GFM1: variants seen among roughly 807,000 people sequenced by gnomAD.
GFM1 encodes the protein G elongation factor mitochondrial 1, also known as elongation factor G, mitochondrial.
Under a neutral mutation model 96.2 loss-of-function variants are expected in GFM1, and 62 were observed. The ratio of observed to expected loss-of-function variants is 0.64; its 90% CI spans 0.53 to 0.80. The LOEUF is 0.80. Ranked by LOEUF, GFM1 falls within the 30% of genes least tolerant of loss-of-function variation. The probability of loss-of-function intolerance (pLI) is 0.00; values close to 1 mark genes in which losing one functional copy is unlikely to be tolerated. For missense variants in GFM1, 852 were observed against 916.6 expected (o/e 0.93, Z 0.91); for synonymous variants, 282 against 312.9 (o/e 0.90, Z 1.04).
rs150659006 is a variant in GFM1 at position 158,667,022 on chromosome 3, A to G, written c.1601+636A>G. 8.1e-4 allele frequency: 1,297 copies of G among 1,596,890 alleles called. No individual in the cohort carries two copies. Among genetic ancestry groups the G allele is most frequent in the Non-Finnish European group, 1.0e-3 (1,220 of 1,174,474 alleles). On this transcript the variant is annotated intron_variant, in intron 13 of 17. Transcript: ENST00000486715. ...TAAATTATACTTTACCTGAGATGCT[A>G]TATTATGAAGTAGAATGGTGTAGTC...
rs189996743 is a variant in GFM1, at chr3:158,669,427, A to G, written c.1601+3041A>G. Reference sequence around the variant, plus strand: ...AACAAATGGTTTTCATGCCATATTTATATACCTGGAATATTTTGTGCTTCT... The same window carrying G: ...AACAAATGGTTTTCATGCCATATTTGTATACCTGGAATATTTTGTGCTTCT... On this transcript the variant is annotated intron_variant, in intron 13 of 17. Coordinates refer to ENST00000486715, the MANE Select transcript of GFM1 (RefSeq NM_024996.7). 1.7e-4 allele frequency: 274 copies of G among 1,603,568 alleles called. 2 individuals are homozygous for G. In the Middle Eastern group the frequency reaches 4.8e-3, roughly 28 times the overall value.
chr3:158,654,524 AT>A, intron 7 of GFM1, 22 bp from the exon 8 acceptor site: 2 of 1,342,980 alleles, frequency 1.5e-6, no homozygotes, highest in Non-Finnish European at 2.1e-6. Context: ...CATCTCATAG[AT>A]TTATATTTCT....
chr3:158,658,833 A>G (rs1328357157), intron 8 of GFM1, 89 bp from the exon 9 acceptor site: 35 of 1,379,548 alleles, frequency 2.5e-5, no homozygotes, highest in Admixed American at 1.2e-4. Context: ...GGTAGAGAAT[A>G]CTTGGAGGGA....
intron 1 of GFM1, chr3:158,644,930 A>G (rs1375964708): frequency 5.5e-6 from 3 of 547,750 alleles, no homozygotes; most frequent in South Asian, 5.1e-5. Context: ...TTAATCAACT[A>G]AAAGTGTCTG....
In GFM1 at chr3:158,665,554, T is replaced by C. The variant is rs554119823; in HGVS notation, c.1518+80T>C. On this transcript the variant is annotated intron_variant, in intron 12 of 17. Transcript: ENST00000486715. The stretch of plus-strand genomic sequence containing the variant: ...TAAAAGTCAATAATTCTCAATCTAA[T>C]GTCTGTAACTAACTCTGGTTCTTCA... 3.2e-6 allele frequency: 4 copies of C among 1,251,180 alleles called. No individual in the cohort carries two copies. In the African/African-American group the frequency reaches 4.4e-5, roughly 14 times the overall value. The allele number at this position is 1,251,180 out of a possible 1,614,324, so 77.5% of individuals were successfully genotyped here.
chr3:158,676,414 A>G (rs1724901073), intron 13 of GFM1, among the ~76,000 whole-genome samples: 1 of 152,194 alleles, frequency 6.6e-6, no homozygotes, highest in Non-Finnish European at 1.5e-5. Context: ...ACATGAAAAT[A>G]AATATATATG....
chr3:158,695,408 A>AT lies in GFM1; in HGVS notation c.*3941_*3942insT, dbSNP rs1168984078. 6.6e-6 allele frequency: 1 copy of AT among 152,230 alleles called. No homozygotes were observed. Among genetic ancestry groups the AT allele is most frequent in the Non-Finnish European group, 1.5e-5 (1 of 68,040 alleles). The allele number at this position is 152,230 out of a possible 1,614,324, so 9.4% of individuals were successfully genotyped here. ...CTGTCTCAAAAAAAAAAGAAAAAAA[A>AT]GAAAAGATGTTCTGATGGTGATACT... On this transcript the variant is annotated 3_prime_UTR_variant, in exon 18 of 18. Transcript: ENST00000486715.
At chr3:158,673,598 G>A (rs1724588023) in intron 13 of GFM1, among the ~76,000 whole-genome samples, 1 of 141,464 alleles carries the variant, frequency 7.1e-6, no homozygotes, top group Admixed American at 7.5e-5. Flanking sequence ...TGCAACGTCC[G>A]CCTCCTGGGT....
At position 158,690,105 on chromosome 3, in the gene GFM1, G is replaced by A. The variant is rs1279068650; in HGVS notation, c.1910-58G>A. 5 of 1,428,368 alleles carry A rather than the reference G, an allele frequency of 3.5e-6. No individual in the cohort carries two copies. The East Asian group carries it at 1.1e-4, about 33-fold the overall frequency. 88.5% of individuals were successfully genotyped at this position (1,428,368 alleles called of 1,614,324 possible). On this transcript the variant is annotated intron_variant, in intron 15 of 17. Coordinates refer to ENST00000486715, the MANE Select transcript of GFM1 (RefSeq NM_024996.7). ...CATTTTTCTCCCTTTTTTATATCTG[G>A]ACAGAAGAGTTGTAGTTTGTATGAA...
At chr3:158,671,320 TAAG>T (rs1464811923) in intron 13 of GFM1, among the ~76,000 whole-genome samples, 1 of 152,220 alleles carries the variant, frequency 6.6e-6, no homozygotes, top group Admixed American at 6.5e-5. Flanking sequence ...AGTCTCTACA[TAAG>T]AAAGTTTGAA....
intron 8 of GFM1, among the ~76,000 whole-genome samples, chr3:158,658,255 C>G (rs1722928401): frequency 6.6e-6 from 1 of 150,496 alleles, no homozygotes; most frequent in African/African-American, 2.5e-5. Context: ...CAACCTCCGC[C>G]TCCTGGGTTT....
chr3:158,689,800 T>G (rs971388408), intron 15 of GFM1, among the ~76,000 whole-genome samples: 1 of 151,554 alleles, frequency 6.6e-6, no homozygotes, highest in African/African-American at 2.4e-5. Flanking sequence ...TTTGTAACAG[T>G]TATTATCTTT....
At chr3:158,670,845 G>A (rs933328787) in intron 13 of GFM1, 2 of 1,277,956 alleles carry the variant, frequency 1.6e-6, no homozygotes, top group African/African-American at 1.6e-5. Flanking sequence ...GAGGTGGGAA[G>A]ATGGCCTGAG....
At chr3:158,671,621 A>G (rs1724320815) in intron 13 of GFM1, among the ~76,000 whole-genome samples, 1 of 152,262 alleles carries the variant, frequency 6.6e-6, no homozygotes, top group African/African-American at 2.4e-5. Flanking sequence ...GTTTCAAAAT[A>G]AGATCTACTG....
At chr3:158,670,485 G>A (rs1165638023) in intron 13 of GFM1, among the ~76,000 whole-genome samples, 1 of 152,176 alleles carries the variant, frequency 6.6e-6, no homozygotes, top group Non-Finnish European at 1.5e-5. Flanking sequence ...GAACTGAAGT[G>A]TATAGTCTTT....
chr3:158,669,668 CATCTTTGAGATATGATTT>C, intron 13 of GFM1: 13 of 1,477,344 alleles, frequency 8.8e-6, no homozygotes, highest in Non-Finnish European at 1.2e-5. Context: ...TATTAATTAT[CATCTTTGAGATATGATTT>C]AAAGCATAGG....
intron 4 of GFM1, 132 bp downstream of exon 4, chr3:158,647,079 TAGTA>T (rs1721884164): frequency 2.7e-6 from 2 of 739,016 alleles, no homozygotes; most frequent in South Asian, 1.6e-5. Context: ...TTATGTGAGT[TAGTA>T]AGTGGAACAC....
At chr3:158,668,981 A>G (rs1174353644) in intron 13 of GFM1, 2 of 1,593,338 alleles carry the variant, frequency 1.3e-6, no homozygotes, top group Admixed American at 1.7e-5. Context: ...AGTGTATTTT[A>G]TAGAAACTAC....
At chr3:158,645,553 C>A in intron 1 of GFM1, 76 bp from the exon 2 acceptor site, 2 of 1,214,936 alleles carry the variant, frequency 1.6e-6, no homozygotes, top group African/African-American at 1.5e-5. Context: ...GAATAATGTC[C>A]ACCATACTCC....
Sources: allele counts gnomAD v4.1 joint callset (sites outside exome capture counted in the v4.1 genomes callset), GRCh38; gene constraint gnomAD v4.1.1; transcripts MANE v1.5; gene names NCBI Gene and HGNC (gene_info 2026-07-23, HGNC 2026-07-21).